The following YJU2 variants were observed in gnomAD, a reference collection of about 807,000 sequenced individuals.
The protein encoded by YJU2 is YJU2 splicing factor homolog, also known as splicing factor YJU2.
A neutral mutation model predicts 39.6 loss-of-function variants in YJU2; 28 were observed. The observed-to-expected ratio is 0.71, with a 90% CI of 0.52 to 0.97. YJU2 has a LOEUF of 0.97. Among genes scored for constraint, YJU2 ranks in the 50% least tolerant of loss-of-function variants. The probability of loss-of-function intolerance (pLI) is 0.00; values close to 1 mark genes in which losing one functional copy is unlikely to be tolerated. For missense variants in YJU2, 328 were observed against 430.4 expected (o/e 0.76, Z 2.11); for synonymous variants, 184 against 182.4 (o/e 1.01, Z -0.07).
chr19:4,252,486 C>T lies in YJU2; in HGVS notation c.270+1315C>T, dbSNP rs1568360922. ...AGGCGTGGTGGCGGGTGCCTGTAGTCCCAGCTACTCGGGAGGCTGAGACAA... is the reference window on the plus strand; with the variant it reads ...AGGCGTGGTGGCGGGTGCCTGTAGTTCCAGCTACTCGGGAGGCTGAGACAA... On this transcript the variant is annotated intron_variant, in intron 3 of 7. Transcript: ENST00000262962. Among the ~76,000 whole-genome samples, 5 of 152,072 alleles carry T rather than the reference C, an allele frequency of 3.3e-5. No individual in the cohort carries two copies. The South Asian group carries it at 8.3e-4, about 25-fold the overall frequency.
At chr19:4,252,676 A>G (rs1970987079) in intron 3 of YJU2, among the ~76,000 whole-genome samples, 1 of 152,064 alleles carries the variant, frequency 6.6e-6, no homozygotes, top group South Asian at 2.1e-4. Flanking sequence ...TGTAATCCCA[A>G]CACTTTGAGA....
At chr19:4,261,920 C>T (rs1971073839) in intron 5 of YJU2, 74 bp from the exon 6 acceptor site, 1 of 1,540,164 alleles carries the variant, frequency 6.5e-7, no homozygotes, top group African/African-American at 1.4e-5. Context: ...AGGCCCCTCG[C>T]CACCCCAGCA....
chr19:4,247,454 G>A (rs1222878674), intron 1 of YJU2: 1 of 348,260 alleles, frequency 2.9e-6, no homozygotes, highest in Non-Finnish European at 5.2e-6. Flanking sequence ...TTTTCTGGGG[G>A]CGGGGCTTCC....
Position 4,258,374 on chromosome 19 carries a change from G to C in YJU2, c.538G>C (p.Glu180Gln). The C allele has an allele frequency of 6.3e-7, 1 of 1,598,136 alleles. No homozygotes were observed. The highest frequency in any genetic ancestry group is 8.5e-7 in the Non-Finnish European group (1 of 1,174,272). Residue 180 changes from glutamate to glutamine, a missense_variant, in exon 5 of 8, where the codon GAG becomes CAG. Glu to Gln is a conservative substitution (Grantham distance 29, BLOSUM62 2). Around this residue, in one of 2 missense-constraint regions of YJU2, gnomAD observed 244 missense variants for 264.6 expected, o/e 0.92. Coordinates refer to ENST00000262962, the MANE Select transcript of YJU2 (RefSeq NM_018074.6). ...EAMLRQHRLS[E>Q]EERRRQQQEE... is the part of the protein sequence containing the mutation. ...TATGCTGAGGCAGCACCGCCTGTCG[G>C]AGGAGGAGCGGCGGAGGCAGCAGCA...
At chr19:4,253,589 T>TA (rs1568361174) in intron 3 of YJU2, among the ~76,000 whole-genome samples, 2 of 152,026 alleles carry the variant, frequency 1.3e-5, no homozygotes, top group African/African-American at 4.8e-5. Flanking sequence ...CCCAAAAAAA[T>TA]AAAAAACATA....
At chr19:4,264,011 C>T (rs1367729778) in intron 6 of YJU2, among the ~76,000 whole-genome samples, 3 of 151,770 alleles carry the variant, frequency 2.0e-5, no homozygotes, top group South Asian at 2.1e-4. Context: ...ACCTGTAATC[C>T]CAGCACTTTG....
At chr19:4,258,907 C>T (rs1971046528) in intron 5 of YJU2, among the ~76,000 whole-genome samples, 1 of 151,986 alleles carries the variant, frequency 6.6e-6, no homozygotes, top group African/African-American at 2.4e-5. Context: ...AAGCAGGGGT[C>T]ACGCATAAAC....
intron 6 of YJU2, among the ~76,000 whole-genome samples, chr19:4,263,279 C>T (rs1971087498): frequency 6.6e-6 from 1 of 152,144 alleles, no homozygotes. Context: ...ACTCAGCCTC[C>T]TTCCTTCTGG....
intron 2 of YJU2, among the ~76,000 whole-genome samples, chr19:4,250,265 T>C (rs1319678404): frequency 2.0e-5 from 3 of 152,174 alleles, no homozygotes; most frequent in Admixed American, 2.0e-4. Context: ...TGTTGGCCTG[T>C]CTACTCCTCC....
Position 4,262,065 on chromosome 19 carries a change from C to T in YJU2, c.659C>T (p.Ser220Leu), listed in dbSNP as rs151025034. 5.0e-6 allele frequency: 8 copies of T among 1,612,562 alleles called. No homozygotes were observed. The highest frequency in any genetic ancestry group is 6.8e-6 in the Non-Finnish European group (8 of 1,179,982). Residue 220 changes from serine to leucine, a missense_variant, in exon 6 of 8, where the codon TCG (serine) becomes TTG (leucine). Around this residue, in one of 2 missense-constraint regions of YJU2, gnomAD observed 244 missense variants for 264.6 expected, o/e 0.92. Transcript: ENST00000262962. ...GACTCAGAGGATGAGGCTGCTCCCT[C>T]GCCCCTGCAGCCAGCCCTTCGGCCC... ...DSDSEDEAAP[S>L]PLQPALRPNP...
intron 4 of YJU2, 90 bp from the exon 5 acceptor site, chr19:4,258,152 C>G: frequency 6.7e-7 from 1 of 1,496,696 alleles, no homozygotes; most frequent in South Asian, 1.3e-5. Context: ...GGGGTTCCTC[C>G]CGTGGCCCGC....
chr19:4,258,042 T>C (rs1971036507), intron 4 of YJU2, among the ~76,000 whole-genome samples, 200 bp from the exon 5 acceptor site: 1 of 152,144 alleles, frequency 6.6e-6, no homozygotes, highest in Admixed American at 6.6e-5. Flanking sequence ...CCCCATGTGG[T>C]CACTTTCCCT....
At position 4,267,691 on chromosome 19, in the gene YJU2, C is replaced by G; in HGVS notation, c.776C>G (p.Pro259Arg). The G allele has an allele frequency of 6.2e-7, 1 of 1,613,484 alleles. No individual in the cohort carries two copies. The highest frequency in any genetic ancestry group is 1.1e-5 in the South Asian group (1 of 91,068). Residue 259 changes from proline (P) to arginine (R), a missense_variant, in exon 7 of 8, where the codon CCG becomes CGG. Physicochemically the swap from Pro to Arg is moderately radical, Grantham distance 103. Around this residue, in one of 2 missense-constraint regions of YJU2, gnomAD observed 244 missense variants for 264.6 expected, o/e 0.92. Coordinates refer to ENST00000262962, the MANE Select transcript of YJU2 (RefSeq NM_018074.6). ...GTTGGCAGCCTGGGCAGCCGGCCCC[C>G]GCTGTCGAGGCTGGTCGTGGTGAAG... The part of the protein sequence containing the change: ...QSVGSLGSRP[P>R]LSRLVVVKKA...
At chr19:4,261,384 G>A (rs1001382130) in intron 5 of YJU2, among the ~76,000 whole-genome samples, 16 of 152,098 alleles carry the variant, frequency 1.1e-4, no homozygotes, top group African/African-American at 3.6e-4. Context: ...CTAGCTGCTC[G>A]GTAGGCTGAG....
intron 4 of YJU2, among the ~76,000 whole-genome samples, chr19:4,257,352 G>C (rs773747349): frequency 6.6e-6 from 1 of 152,186 alleles, no homozygotes; most frequent in Non-Finnish European, 1.5e-5. Flanking sequence ...GGAATGCATT[G>C]GCACGATCTG....
chr19:4,249,122 T>A (rs1377688144), intron 1 of YJU2, 106 bp from the exon 2 acceptor site: 11 of 685,818 alleles, frequency 1.6e-5, no homozygotes, highest in Admixed American at 5.3e-5. Flanking sequence ...GAACCTGGGG[T>A]GGGCTTGGGG....
At chr19:4,258,111 G>T (rs1047059521) in intron 4 of YJU2, 131 bp from the exon 5 acceptor site, 7 of 1,330,620 alleles carry the variant, frequency 5.3e-6, no homozygotes, top group Non-Finnish European at 6.1e-6. Flanking sequence ...TGGGCAGGGG[G>T]TTCCCTGAGC....
chr19:4,255,845 AAAAATAC>A (rs2144692480), intron 4 of YJU2, among the ~76,000 whole-genome samples: 1 of 152,036 alleles, frequency 6.6e-6, no homozygotes, highest in Non-Finnish European at 1.5e-5. Flanking sequence ...TGTCTCTACT[AAAAATAC>A]AAAAATTAAC....
intron 5 of YJU2, 76 bp from the exon 6 acceptor site, chr19:4,261,918 C>T (rs1219913783): frequency 5.2e-6 from 8 of 1,529,346 alleles, no homozygotes; most frequent in South Asian, 1.2e-5. Flanking sequence ...CCAGGCCCCT[C>T]GCCACCCCAG....
Sources: allele counts gnomAD v4.1 joint callset (sites outside exome capture counted in the v4.1 genomes callset), GRCh38; gene constraint gnomAD v4.1.1; regional missense constraint gnomAD v4.1.1; transcripts MANE v1.5; gene names NCBI Gene and HGNC (gene_info 2026-07-23, HGNC 2026-07-21).